PRKCQ: variants seen among roughly 807,000 people sequenced by gnomAD.
The protein encoded by PRKCQ is protein kinase C theta.
PRKCQ carries 41 observed loss-of-function variants against 91.2 expected under a neutral mutation model. The observed-to-expected ratio is 0.45, with a 90% CI of 0.35 to 0.58. The LOEUF is 0.58. PRKCQ is among the 20% of genes least tolerant of loss of function. The probability of loss-of-function intolerance (pLI) is 0.00; values close to 1 mark genes in which losing one functional copy is unlikely to be tolerated. For synonymous variants in PRKCQ, 307 were observed against 316.9 expected (o/e 0.97, Z 0.33); for missense variants, 673 against 896.5 (o/e 0.75, Z 3.18).
intron 1 of PRKCQ, among the ~76,000 whole-genome samples, chr10:6,577,810 T>G (rs1228267009): frequency 6.6e-6 from 1 of 152,174 alleles, no homozygotes; most frequent in East Asian, 1.9e-4. Flanking sequence ...AATTCCTAAT[T>G]TCCAGAAAGG....
chr10:6,520,306 C>T (rs930869972), intron 1 of PRKCQ, among the ~76,000 whole-genome samples: 1 of 152,128 alleles, frequency 6.6e-6, no homozygotes, highest in African/African-American at 2.4e-5. Flanking sequence ...TCAACTTTAC[C>T]CTTCCCCTTG....
intron 16 of PRKCQ, among the ~76,000 whole-genome samples, chr10:6,440,811 A>C (rs1012467681): frequency 2.0e-5 from 3 of 152,160 alleles, no homozygotes. Context: ...CAACATGGTG[A>C]AACTCCACCT....
chr10:6,478,586 C>T (rs1025336589), intron 12 of PRKCQ, among the ~76,000 whole-genome samples: 3 of 152,138 alleles, frequency 2.0e-5, no homozygotes, highest in Non-Finnish European at 4.4e-5. Context: ...CTTTTTCTGC[C>T]AGCCTTGAAG....
At chr10:6,395,344 G>A in the PRKCQ span, among the ~76,000 whole-genome samples, 10 of 152,058 alleles carry the variant, frequency 6.6e-5, no homozygotes, top group Non-Finnish European at 2.9e-5. Context: ...GATTACAGGC[G>A]TGAACCAGCG....
chr10:6,550,154 G>A (rs969121443), intron 1 of PRKCQ, among the ~76,000 whole-genome samples: 3 of 152,108 alleles, frequency 2.0e-5, no homozygotes, highest in East Asian at 1.9e-4. Flanking sequence ...TAGGTAGAAC[G>A]GGCAATATCT....
chr10:6,564,480 G>A (rs1282443436), intron 1 of PRKCQ, among the ~76,000 whole-genome samples: 1 of 152,030 alleles, frequency 6.6e-6, no homozygotes, highest in Non-Finnish European at 1.5e-5. Flanking sequence ...CCCGTGACCT[G>A]TTTTTCACCC....
intron 12 of PRKCQ, among the ~76,000 whole-genome samples, chr10:6,466,310 C>T (rs542664666): frequency 8.5e-4 from 129 of 152,326 alleles, no homozygotes; most frequent in Admixed American, 2.1e-3. Context: ...CACCTTCCCA[C>T]CTATTCTCAG....
chr10:6,547,228 A>G (rs1839997302), intron 1 of PRKCQ, among the ~76,000 whole-genome samples: 1 of 152,198 alleles, frequency 6.6e-6, no homozygotes, highest in Non-Finnish European at 1.5e-5. Flanking sequence ...CAATGAAATA[A>G]AAGAGGATAC....
At position 6,429,718 on chromosome 10, in the gene PRKCQ, C is replaced by CT. The variant is rs906543200; in HGVS notation, c.1965+1091dup. On this transcript the variant is annotated intron_variant, in intron 17 of 17. Transcript: ENST00000263125. ...AACTTAAAATTTACTTTCTTAATGACTTTTTTTTGTTGTTTTTCTAAAAAG... is the reference window on the plus strand; with the variant it reads ...AACTTAAAATTTACTTTCTTAATGACTTTTTTTTTGTTGTTTTTCTAAAAAG... Among the ~76,000 whole-genome samples the CT allele has an allele frequency of 7.9e-5, 12 of 151,852 alleles. No individual in the cohort carries two copies. The East Asian group carries it at 1.5e-3, about 20-fold the overall frequency.
intron 1 of PRKCQ, among the ~76,000 whole-genome samples, chr10:6,538,069 G>A (rs1433907459): frequency 6.6e-6 from 1 of 152,236 alleles, no homozygotes; most frequent in Non-Finnish European, 1.5e-5. Context: ...CAGGGAAAGC[G>A]GGACCAAGGC....
chr10:6,447,064 T>G (rs1198527463), intron 15 of PRKCQ, among the ~76,000 whole-genome samples: 4 of 152,168 alleles, frequency 2.6e-5, no homozygotes, highest in Admixed American at 6.5e-5. Flanking sequence ...GCTGCTTCCA[T>G]GCATTGCAAT....
intron 1 of PRKCQ, among the ~76,000 whole-genome samples, chr10:6,568,599 G>A (rs1007791523): frequency 1.3e-5 from 2 of 150,536 alleles, no homozygotes; most frequent in East Asian, 2.0e-4. Flanking sequence ...CCAGGTTCAC[G>A]CAGTTCTCCT....
At chr10:6,466,586 A>T (rs1313584940) in intron 12 of PRKCQ, among the ~76,000 whole-genome samples, 1 of 152,268 alleles carries the variant, frequency 6.6e-6, no homozygotes, top group Middle Eastern at 3.2e-3. Context: ...AAATGTATGC[A>T]CATACAAACT....
At chr10:6,419,251 A>C in the PRKCQ span, among the ~76,000 whole-genome samples, 1 of 152,144 alleles carries the variant, frequency 6.6e-6, no homozygotes, top group Non-Finnish European at 1.5e-5. Context: ...GTGTGTGTAC[A>C]TATGTGTATA....
chr10:6,532,122 G>A (rs935455810), intron 1 of PRKCQ, among the ~76,000 whole-genome samples: 9 of 152,284 alleles, frequency 5.9e-5, no homozygotes, highest in African/African-American at 2.2e-4. Context: ...TCGGCCAGAT[G>A]TCGGACCCTA....
the PRKCQ span, among the ~76,000 whole-genome samples, chr10:6,405,855 T>A: frequency 6.6e-6 from 1 of 152,074 alleles, no homozygotes; most frequent in African/African-American, 2.4e-5. Context: ...TGGGGAGCAA[T>A]GACAGCTCCA....
At chr10:6,498,655 A>T (rs1026073082) in intron 4 of PRKCQ, 97 bp from the exon 5 acceptor site, 16 of 1,222,718 alleles carry the variant, frequency 1.3e-5, no homozygotes, top group Non-Finnish European at 1.8e-5. Flanking sequence ...CAAGGGATGG[A>T]GGAGGACCAG....
chr10:6,472,169 A>G (rs1836011284), intron 12 of PRKCQ, among the ~76,000 whole-genome samples: 1 of 152,088 alleles, frequency 6.6e-6, no homozygotes, highest in African/African-American at 2.4e-5. Context: ...TTAGCCAGGC[A>G]TGGTGGTGGG....
In PRKCQ at chr10:6,427,801, G is replaced by A. The variant is rs191335695; in HGVS notation, c.*406C>T. 6.1e-5 allele frequency: 12 copies of A among 196,146 alleles called. No individual in the cohort carries two copies. The highest frequency in any genetic ancestry group is 5.3e-4 in the Admixed American group (10 of 18,736). 12.2% of individuals were successfully genotyped at this position (196,146 alleles called of 1,614,324 possible). On this transcript the variant is annotated 3_prime_UTR_variant, in exon 18 of 18. Coordinates refer to ENST00000263125, the MANE Select transcript of PRKCQ (RefSeq NM_006257.5). ...CGCTACTAGACCAGGCAATGGGGCC[G>A]TTTCAGTCTTGAGACGTCTGTACTC...
Sources: allele counts gnomAD v4.1 joint callset (sites outside exome capture counted in the v4.1 genomes callset), GRCh38; gene constraint gnomAD v4.1.1; transcripts MANE v1.5; gene names NCBI Gene and HGNC (gene_info 2026-07-23, HGNC 2026-07-21).